Variants in PLXNB3 observed in about 807,000 individuals in gnomAD.
PLXNB3 encodes plexin B3.
A neutral mutation model predicts 125.7 loss-of-function variants in PLXNB3; 80 were observed. The ratio of observed to expected loss-of-function variants is 0.64; its 90% CI spans 0.53 to 0.77. PLXNB3 has a LOEUF of 0.77. PLXNB3 is among the 30% of genes least tolerant of loss of function. The pLI, the probability that PLXNB3 is intolerant of heterozygous loss-of-function variation, is 0.00. For missense variants in PLXNB3, 1,836 were observed against 1,729.3 expected (o/e 1.06, Z -1.09); for synonymous variants, 954 against 783.3 (o/e 1.22, Z -3.64).
At position 153,767,730 on chromosome X, in the gene PLXNB3, G is replaced by A. The variant is rs1557059855; in HGVS notation, c.903G>A (p.Gly301=). ...AAFLAPGTLL[G]VFAAGPRGTQ... ...TCCTTGCCCCGGGCACCTTGCTAGG[G>A]GTGTTTGCCGCGGGCCCAAGGGGCA... is the stretch of plus-strand genomic sequence containing the variant. The change falls in exon 3 of 36, where the codon GGG becomes GGA. Residue 301 remains glycine (G), a synonymous_variant. Coordinates refer to ENST00000361971, the MANE Select transcript of PLXNB3 (RefSeq NM_005393.3). 1.7e-6 allele frequency: 2 copies of A among 1,174,607 alleles called. No individual in the cohort carries two copies. Among genetic ancestry groups the A allele is most frequent in the South Asian group, 1.9e-5 (1 of 52,876 alleles).
rs1405961592 is a variant in PLXNB3, at chrX:153,776,913, C to T, written c.4860C>T (p.Leu1620=). The T allele has an allele frequency of 5.0e-6, 6 of 1,196,783 alleles. No homozygotes were observed. The highest frequency in any genetic ancestry group is 6.8e-6 in the Non-Finnish European group (6 of 887,558). The change falls in exon 29 of 36, where the codon CTC becomes CTT. Residue 1620 remains leucine, a synonymous_variant. Transcript: ENST00000361971. ...YKVPDGATVG[L]VPQLHRGSTI... ...TCCCAGATGGAGCAACAGTGGGGCTCGTCCCTCAGCTGCACCGTGGCAGCA... is the reference window on the plus strand; with the variant it reads ...TCCCAGATGGAGCAACAGTGGGGCTTGTCCCTCAGCTGCACCGTGGCAGCA...
chrX:153,766,010 G>A, intron 2 of PLXNB3: 2 of 1,032,732 alleles, frequency 1.9e-6, no homozygotes, highest in Non-Finnish European at 2.5e-6. Flanking sequence ...CAGCTCTCCT[G>A]GTCTGCTCTT....
chrX:153,779,047 C>G lies in PLXNB3; in HGVS notation c.*8C>G, dbSNP rs890964547. 10 of 1,137,900 alleles carry G rather than the reference C, an allele frequency of 8.8e-6. No homozygotes were observed. The highest frequency in any genetic ancestry group is 1.1e-5 in the Non-Finnish European group (9 of 847,644). The allele number at this position is 1,137,900 out of a possible 1,213,427, so 93.8% of individuals were successfully genotyped here. A position where few individuals can be genotyped will look rare whatever the true frequency, so the allele number is the denominator to read the frequency against. The stretch of plus-strand genomic sequence containing the variant: ...AAAGTGACTGACCTGTGAGCTCTGG[C>G]TCAGACAGCAGCAAGCCGGATCCAC... On this transcript the variant is annotated 3_prime_UTR_variant, in exon 36 of 36. Coordinates refer to ENST00000361971, the MANE Select transcript of PLXNB3 (RefSeq NM_005393.3).
Position 153,770,890 on chromosome X carries a change from C to T in PLXNB3, c.2136+7C>T, listed in dbSNP as rs371917153. The T allele has an allele frequency of 1.7e-6, 2 of 1,203,680 alleles. No homozygotes were observed. Among genetic ancestry groups the T allele is most frequent in the African/African-American group, 3.5e-5 (2 of 57,526 alleles). On this transcript the variant is annotated splice_region_variant and intron_variant, in intron 11 of 35. Transcript: ENST00000361971. ...GAACCTTCAACATTTCCGAGTGAGC[C>T]ATCAGGAGGGAAGGGGACAGGGCAG...
At chrX:153,769,375 C>G in intron 6 of PLXNB3, 113 bp downstream of exon 6, 1 of 568,583 alleles carries the variant, frequency 1.8e-6, no homozygotes, top group Non-Finnish European at 2.8e-6. Context: ...GTTGGAGAGA[C>G]TCAGGGCCAC....
intron 26 of PLXNB3, 105 bp from the exon 27 acceptor site, chrX:153,775,782 G>C: frequency 1.8e-6 from 2 of 1,087,498 alleles, no homozygotes; most frequent in East Asian, 3.1e-5. Flanking sequence ...TTTGGAAAGG[G>C]AAGGACTTTG....
Position 153,775,582 on chromosome X carries a change from G to C in PLXNB3, c.4335-12G>C, listed in dbSNP as rs374602424. On this transcript the variant is annotated splice_polypyrimidine_tract_variant and intron_variant, in intron 25 of 35. Coordinates refer to ENST00000361971, the MANE Select transcript of PLXNB3 (RefSeq NM_005393.3). The stretch of plus-strand genomic sequence containing the variant: ...GGCACAAAGGCCTGACCCTGTGGCC[G>C]GCTCCCCGCAGGACAGAGACCATGG... The C allele has an allele frequency of 4.1e-5, 49 of 1,207,103 alleles. No homozygotes were observed. The highest frequency in any genetic ancestry group is 5.0e-5 in the Non-Finnish European group (45 of 892,622).
intron 1 of PLXNB3, 44 bp from the exon 2 acceptor site, chrX:153,765,427 C>T (rs1557058798): frequency 9.7e-7 from 1 of 1,031,667 alleles, no homozygotes; most frequent in Non-Finnish European, 1.3e-6. Context: ...TTCCCCAGGC[C>T]AGCTCGAATG....
chrX:153,767,727 A>G lies in PLXNB3; in HGVS notation c.900A>G (p.Leu300=), dbSNP rs782206679. Residue 300 remains leucine, a synonymous_variant, in exon 3 of 36, where the codon CTA becomes CTG. Coordinates refer to ENST00000361971, the MANE Select transcript of PLXNB3 (RefSeq NM_005393.3). ...CCTTCCTTGCCCCGGGCACCTTGCT[A>G]GGGGTGTTTGCCGCGGGCCCAAGGG... ...QAAFLAPGTL[L]GVFAAGPRGT... 6.8e-6 allele frequency: 8 copies of G among 1,174,807 alleles called. No individual in the cohort carries two copies. In the African/African-American group the frequency reaches 1.2e-4, roughly 18 times the overall value.
intron 28 of PLXNB3, 32 bp from the exon 29 acceptor site, chrX:153,776,855 T>C (rs1047129704): frequency 4.8e-6 from 5 of 1,032,683 alleles, no homozygotes; most frequent in Non-Finnish European, 6.6e-6. Context: ...TGGCTAGGGG[T>C]CAGCACAGCC....
At position 153,776,456 on chromosome X, in the gene PLXNB3, C is replaced by T. The variant is rs1557064265; in HGVS notation, c.4830C>T (p.Tyr1610=). ...AGAGACTCAACACCTTGCAACACTACAAGGTGTGAGCAGGGACGGGGCGAG... is the reference window on the plus strand; with the variant it reads ...AGAGACTCAACACCTTGCAACACTATAAGGTGTGAGCAGGGACGGGGCGAG... ...HWKRLNTLQH[Y]KVPDGATVGL... is the part of the protein sequence containing the mutation. Residue 1610 remains tyrosine (Y), a synonymous_variant, in exon 28 of 36, where the codon TAC becomes TAT. Coordinates refer to ENST00000361971, the MANE Select transcript of PLXNB3 (RefSeq NM_005393.3). The T allele has an allele frequency of 1.0e-6, 1 of 1,000,281 alleles. No individual in the cohort carries two copies. Among genetic ancestry groups the T allele is most frequent in the Non-Finnish European group, 1.4e-6 (1 of 725,536 alleles). The allele number at this position is 1,000,281 out of a possible 1,213,427, so 82.4% of individuals were successfully genotyped here.
chrX:153,767,783 T>C lies in PLXNB3; in HGVS notation c.956T>C (p.Met319Thr). 3 of 1,169,839 alleles carry C rather than the reference T, an allele frequency of 2.6e-6. No homozygotes were observed. Among genetic ancestry groups the C allele is most frequent in the Non-Finnish European group, 3.4e-6 (3 of 874,631 alleles). The change falls in exon 3 of 36, where the codon ATG becomes ACG. Residue 319 changes from methionine to threonine, a missense_variant. Met to Thr is a moderately conservative substitution (Grantham distance 81, BLOSUM62 -1). Transcript: ENST00000361971. The part of the protein sequence containing the change: ...GTQAALCAFP[M>T]VELGASMEQA... Reference sequence around the variant, plus strand: ...CAGGCGGCGCTCTGTGCCTTCCCCATGGTGGAGCTGGGTGCCAGCATGGAG... The same window carrying C: ...CAGGCGGCGCTCTGTGCCTTCCCCACGGTGGAGCTGGGTGCCAGCATGGAG...
In PLXNB3 at chrX:153,776,992, G is replaced by A. The variant is rs181205857; in HGVS notation, c.4927+12G>A. Reference sequence around the variant, plus strand: ...CCCCTTGGGAGAGAGTGAGTCCCTCGGCCCTGACCTGGGGCCACTGGAGTC... The same window carrying A: ...CCCCTTGGGAGAGAGTGAGTCCCTCAGCCCTGACCTGGGGCCACTGGAGTC... On this transcript the variant is annotated intron_variant, in intron 29 of 35. Coordinates refer to ENST00000361971, the MANE Select transcript of PLXNB3 (RefSeq NM_005393.3). 1.2e-4 allele frequency: 134 copies of A among 1,127,700 alleles called. No individual in the cohort carries two copies. The African/African-American group carries it at 2.0e-3, about 17-fold the overall frequency. The allele number at this position is 1,127,700 out of a possible 1,213,427, so 92.9% of individuals were successfully genotyped here.
intron 27 of PLXNB3, 25 bp from the exon 28 acceptor site, chrX:153,776,331 T>A: frequency 8.9e-7 from 1 of 1,122,985 alleles, no homozygotes; most frequent in Non-Finnish European, 1.2e-6. Context: ...GGCTGTAGAC[T>A]ATCTGCTTCC....
chrX:153,772,873 C>T lies in PLXNB3; in HGVS notation c.2776-13C>T, dbSNP rs782414776. On this transcript the variant is annotated splice_polypyrimidine_tract_variant and intron_variant, in intron 16 of 35. Coordinates refer to ENST00000361971, the MANE Select transcript of PLXNB3 (RefSeq NM_005393.3). ...TGGGCTGCCGTGCCTACCCAGCCTG[C>T]GCTGTTCGCCAGGACCCTGTCCTGC... The T allele has an allele frequency of 6.3e-6, 7 of 1,112,172 alleles. No homozygotes were observed. The highest frequency in any genetic ancestry group is 4.5e-5 in the South Asian group (2 of 44,002). The allele number at this position is 1,112,172 out of a possible 1,213,427, so 91.7% of individuals were successfully genotyped here.
At chrX:153,765,636 C>T (rs2091849118) in intron 2 of PLXNB3, 56 bp downstream of exon 2, 1 of 1,169,138 alleles carries the variant, frequency 8.6e-7, no homozygotes, top group Non-Finnish European at 1.1e-6. Context: ...CAGGGTAGGG[C>T]AGGATGGCTG....
chrX:153,779,124 C>G lies in PLXNB3; in HGVS notation c.*85C>G, dbSNP rs1417802195. ...GAACCGAGCCAGCCACTGAGGGGAGCTGGCAGAGCCTGGGGGCACAGGGTG... is the reference window on the plus strand; with the variant it reads ...GAACCGAGCCAGCCACTGAGGGGAGGTGGCAGAGCCTGGGGGCACAGGGTG... On this transcript the variant is annotated 3_prime_UTR_variant, in exon 36 of 36. Coordinates refer to ENST00000361971, the MANE Select transcript of PLXNB3 (RefSeq NM_005393.3). 1.5e-6 allele frequency: 1 copy of G among 669,249 alleles called. No individual in the cohort carries two copies. Among genetic ancestry groups the G allele is most frequent in the Non-Finnish European group, 2.2e-6 (1 of 459,726 alleles). 55.2% of individuals were successfully genotyped at this position (669,249 alleles called of 1,213,427 possible). A position where few individuals can be genotyped will look rare whatever the true frequency, so the allele number is the denominator to read the frequency against.
Position 153,769,583 on chromosome X carries a change from C to T in PLXNB3, c.1497-224C>T, listed in dbSNP as rs544249628. Among the ~76,000 whole-genome samples the T allele has an allele frequency of 1.2e-4, 14 of 113,106 alleles. No individual in the cohort carries two copies. The South Asian group carries it at 1.4e-3, about 12-fold the overall frequency. On this transcript the variant is annotated intron_variant, in intron 6 of 35. Coordinates refer to ENST00000361971, the MANE Select transcript of PLXNB3 (RefSeq NM_005393.3). ...TTTAAGGCAGCCCTGAGTCACTGTG[C>T]GTCCCTCAGCCCAGCCGCACCTGCC...
chrX:153,770,477 G>C (rs782209291), intron 9 of PLXNB3, 31 bp downstream of exon 9: 2 of 1,196,496 alleles, frequency 1.7e-6, no homozygotes, highest in Non-Finnish European at 1.1e-6. Context: ...CCTGGGGTAG[G>C]GGTGGCGACC....
Sources: gnomAD v4.1 joint callset for allele counts (sites outside exome capture counted in the v4.1 genomes callset) on GRCh38, gnomAD v4.1.1 for gene constraint, MANE v1.5 for transcripts, NCBI Gene and HGNC (gene_info 2026-07-23, HGNC 2026-07-21) for gene names.